SCML4: variants seen among roughly 807,000 people sequenced by gnomAD.
SCML4 encodes sex comb on midleg-like protein 4.
SCML4 carries 34 observed loss-of-function variants against 41.1 expected under a neutral mutation model. That is an observed-to-expected ratio of 0.83 (90% CI 0.63 to 1.10). SCML4 has a LOEUF of 1.10. Ranked by LOEUF, SCML4 falls within the 50% of genes least tolerant of loss-of-function variation. SCML4 has a pLI of 0.00. For synonymous variants in SCML4, 214 were observed against 220.9 expected, an observed-to-expected ratio of 0.97 and a Z score of 0.28; for missense variants, 522 against 534.1, an observed-to-expected ratio of 0.98 and a Z score of 0.22.
At chr6:107,788,476 C>T (rs1782072020) in intron 1 of SCML4, among the ~76,000 whole-genome samples, 2 of 152,200 alleles carry the variant, frequency 1.3e-5, no homozygotes, top group South Asian at 4.1e-4. Flanking sequence ...ACTCTATTTC[C>T]AACCATCTTG....
At chr6:107,826,486 G>C, upstream of SCML4, among the ~76,000 whole-genome samples, 1 of 152,042 alleles carries the variant, frequency 6.6e-6, no homozygotes, top group African/African-American at 2.4e-5. Flanking sequence ...ACTCTAAAAT[G>C]TTTCTTAGGA....
chr6:107,765,979 T>C (rs1221797941), intron 2 of SCML4, among the ~76,000 whole-genome samples: 2 of 152,242 alleles, frequency 1.3e-5, no homozygotes, highest in Non-Finnish European at 2.9e-5. Context: ...TAAATTCTTT[T>C]TTGTCTTCAA....
chr6:107,801,913 C>T (rs1487180394), intron 1 of SCML4, among the ~76,000 whole-genome samples: 3 of 151,452 alleles, frequency 2.0e-5, no homozygotes, highest in Admixed American at 6.6e-5. Context: ...TACAGACACC[C>T]GCTACCACAC....
At chr6:107,845,158 C>T in the SCML4 span, among the ~76,000 whole-genome samples, 1 of 152,232 alleles carries the variant, frequency 6.6e-6, no homozygotes, top group African/African-American at 2.4e-5. Context: ...ATCGCTTGAA[C>T]CCAGGAGGCA....
chr6:107,740,844 A>G (rs1231880747), intron 5 of SCML4, among the ~76,000 whole-genome samples: 2 of 152,246 alleles, frequency 1.3e-5, no homozygotes, highest in Non-Finnish European at 2.9e-5. Flanking sequence ...AGCAGAGAGC[A>G]TGATGCCAAC....
chr6:107,745,265 G>T (rs1039179974), intron 4 of SCML4, 122 bp from the exon 5 acceptor site: 1 of 691,532 alleles, frequency 1.4e-6, no homozygotes, highest in Non-Finnish European at 2.4e-6. Context: ...ACTATATTTG[G>T]ATTTCACCTG....
At position 107,721,984 on chromosome 6, in the gene SCML4, T is replaced by A. The variant is rs1340831494; in HGVS notation, c.683-991A>T. Reference sequence around the variant, plus strand: ...TAAGTAAACCAGGACTTATCATACTTTTTTTTTTTTTTTTTGAGATGGAGT... The same window carrying A: ...TAAGTAAACCAGGACTTATCATACTATTTTTTTTTTTTTTTGAGATGGAGT... On this transcript the variant is annotated intron_variant, in intron 5 of 7. Coordinates refer to ENST00000369020, the MANE Select transcript of SCML4 (RefSeq NM_198081.5). 4.3e-3 allele frequency among the ~76,000 whole-genome samples: 629 copies of A among 146,960 alleles called. 5 individuals carry two copies. Among genetic ancestry groups the A allele is most frequent in the African/African-American group, 0.015 (591 of 39,866 alleles).
chr6:107,839,934 A>G, the SCML4 span, among the ~76,000 whole-genome samples: 1 of 152,038 alleles, frequency 6.6e-6, no homozygotes, highest in Admixed American at 6.5e-5. Context: ...TTTAAAATAT[A>G]TAATAAAATT....
chr6:107,751,375 G>A lies in SCML4; in HGVS notation c.157-1562C>T, dbSNP rs377175843. ...GTAGGGAAAGAATATTCCAGGCAAT[G>A]TCGATATCAAGCCCCAAGGTTCTGA... On this transcript the variant is annotated intron_variant, in intron 2 of 7. Coordinates refer to ENST00000369020, the MANE Select transcript of SCML4 (RefSeq NM_198081.5). Among the ~76,000 whole-genome samples the A allele has an allele frequency of 5.3e-5, 8 of 152,198 alleles. No individual in the cohort carries two copies. The East Asian group carries it at 5.8e-4, about 11-fold the overall frequency.
intron 1 of SCML4, among the ~76,000 whole-genome samples, chr6:107,807,684 T>A (rs1045886752): frequency 1.3e-5 from 2 of 152,188 alleles, no homozygotes; most frequent in African/African-American, 4.8e-5. Flanking sequence ...ATCTAAAAAG[T>A]GAGTTAGGCA....
intron 2 of SCML4, among the ~76,000 whole-genome samples, chr6:107,764,038 G>A (rs1045556489): frequency 6.6e-6 from 1 of 152,206 alleles, no homozygotes; most frequent in East Asian, 1.9e-4. Context: ...TTGGGGTTCT[G>A]AGGAGATGCT....
chr6:107,835,036 A>G, the SCML4 span, among the ~76,000 whole-genome samples: 1 of 152,118 alleles, frequency 6.6e-6, no homozygotes, highest in African/African-American at 2.4e-5. Flanking sequence ...AATATATTGC[A>G]TCAATAACAT....
chr6:107,775,529 C>A (rs1193090122), intron 1 of SCML4, among the ~76,000 whole-genome samples: 2 of 152,162 alleles, frequency 1.3e-5, no homozygotes, highest in Non-Finnish European at 2.9e-5. Flanking sequence ...AAATCTCAGA[C>A]CCTTCACAGT....
intron 2 of SCML4, among the ~76,000 whole-genome samples, chr6:107,751,875 C>G (rs1583489394): frequency 6.6e-6 from 1 of 152,214 alleles, no homozygotes; most frequent in East Asian, 1.9e-4. Flanking sequence ...ACCTCATGAT[C>G]TGCCTGCCCT....
At position 107,756,702 on chromosome 6, in the gene SCML4, G is replaced by A. The variant is rs569240706; in HGVS notation, c.157-6889C>T. 2.3e-3 allele frequency among the ~76,000 whole-genome samples: 349 copies of A among 152,294 alleles called. 1 individual carries two copies. Among genetic ancestry groups the A allele is most frequent in the African/African-American group, 7.9e-3 (329 of 41,562 alleles). ...TGTTAAAAATGGGGGGAAATCAGGTGCGGGGTACGTGAGAATTCTCTGTTT... is the reference window on the plus strand; with the variant it reads ...TGTTAAAAATGGGGGGAAATCAGGTACGGGGTACGTGAGAATTCTCTGTTT... On this transcript the variant is annotated intron_variant, in intron 2 of 7. Transcript: ENST00000369020.
chr6:107,735,316 G>A (rs1400622945), intron 5 of SCML4, among the ~76,000 whole-genome samples: 2 of 152,244 alleles, frequency 1.3e-5, no homozygotes, highest in Non-Finnish European at 2.9e-5. Context: ...TGTGGCCCTT[G>A]GCTGTGACAA....
intron 1 of SCML4, among the ~76,000 whole-genome samples, chr6:107,802,576 G>GGA: frequency 5.8e-5 from 3 of 51,296 alleles, no homozygotes; most frequent in South Asian, 9.4e-4. Context: ...TCGAGGGAGG[G>GGA]AGGGAGGAAG....
Position 107,766,949 on chromosome 6 carries a change from A to ATT in SCML4, c.156+5221_156+5222dup, listed in dbSNP as rs35794596. On this transcript the variant is annotated intron_variant, in intron 2 of 7. Coordinates refer to ENST00000369020, the MANE Select transcript of SCML4 (RefSeq NM_198081.5). ...CTCTTCCCATCTGTACTATTAAGCT[A>ATT]TTTTTTTTTTTTTTTTTTTTGAGAC... Among the ~76,000 whole-genome samples the ATT allele has an allele frequency of 3.4e-3, 459 of 136,354 alleles. 5 individuals carry two copies. The highest frequency in any genetic ancestry group is 5.3e-3 in the Non-Finnish European group (332 of 62,102). The allele number at this position is 136,354 out of a possible 152,430, so 89.5% of individuals were successfully genotyped here.
At chr6:107,763,578 G>C (rs1779790477) in intron 2 of SCML4, among the ~76,000 whole-genome samples, 2 of 152,054 alleles carry the variant, frequency 1.3e-5, no homozygotes, top group Admixed American at 6.5e-5. Context: ...GTAGAGACAG[G>C]GTTTCACCAC....
Sources: gnomAD v4.1 joint callset for allele counts (sites outside exome capture counted in the v4.1 genomes callset) on GRCh38, gnomAD v4.1.1 for gene constraint, MANE v1.5 for transcripts, NCBI Gene and HGNC (gene_info 2026-07-23, HGNC 2026-07-21) for gene names.